Variants in EYA4 observed in about 807,000 individuals in gnomAD.
The protein encoded by EYA4 is protein phosphatase EYA4.
In EYA4, 31 loss-of-function variants were observed where a neutral mutation model predicts 87.9. The ratio of observed to expected loss-of-function variants is 0.35; its 90% CI spans 0.27 to 0.48. EYA4 has a LOEUF of 0.48. Ranked by LOEUF, EYA4 falls within the 20% of genes least tolerant of loss-of-function variation. The pLI is 0.99. For missense variants in EYA4, 678 were observed against 761.4 expected (o/e 0.89, Z 1.29); for synonymous variants, 263 against 270.6 (o/e 0.97, Z 0.28).
At chr6:133,500,785 A>G (rs1798051959) in intron 13 of EYA4, among the ~76,000 whole-genome samples, 1 of 151,978 alleles carries the variant, frequency 6.6e-6, no homozygotes, top group Non-Finnish European at 1.5e-5. Flanking sequence ...TCCCATCACC[A>G]TCGTATCTGC....
chr6:133,295,296 C>T (rs1206028933), intron 2 of EYA4, among the ~76,000 whole-genome samples: 1 of 152,190 alleles, frequency 6.6e-6, no homozygotes, highest in Non-Finnish European at 1.5e-5. Flanking sequence ...TGCTAGGACT[C>T]TAAGCTGACC....
In EYA4 at chr6:133,480,226, A is replaced by T. The variant is rs1796088207; in HGVS notation, c.971-1237A>T. The stretch of plus-strand genomic sequence containing the variant: ...ATCGGAGTGATTCTAGAACTAGGAG[A>T]GTGCAAGGTATCAGCTGTCAAATAA... On this transcript the variant is annotated intron_variant, in intron 11 of 19. Coordinates refer to ENST00000355286, the MANE Select transcript of EYA4 (RefSeq NM_004100.5). Among the ~76,000 whole-genome samples, 4 of 152,304 alleles carry T rather than the reference A, an allele frequency of 2.6e-5. No homozygotes were observed. In the South Asian group the frequency reaches 8.3e-4, roughly 32 times the overall value.
upstream of EYA4, chr6:133,241,206 C>G (rs1225468123): frequency 6.6e-6 from 1 of 152,058 alleles, no homozygotes; most frequent in East Asian, 1.9e-4. Context: ...CGCGCCGCCG[C>G]CCCCCGCGTC....
At chr6:133,410,213 C>G (rs1789090177) in intron 3 of EYA4, among the ~76,000 whole-genome samples, 1 of 151,986 alleles carries the variant, frequency 6.6e-6, no homozygotes, top group East Asian at 1.9e-4. Flanking sequence ...TGATAGTATA[C>G]TAAAACTTGT....
In EYA4 at chr6:133,406,810, T is replaced by A. The variant is rs948086101; in HGVS notation, c.83+24369T>A. Among the ~76,000 whole-genome samples the A allele has an allele frequency of 3.9e-5, 6 of 152,204 alleles. No homozygotes were observed. The East Asian group carries it at 1.2e-3, about 29-fold the overall frequency. On this transcript the variant is annotated intron_variant, in intron 3 of 19. Transcript: ENST00000355286. ...GTTTTCTATTAAAATGAAAATGAAA[T>A]GTATGAAATCTGTCTCTTATTATTT...
chr6:133,477,827 C>G (rs1337438340), intron 11 of EYA4, among the ~76,000 whole-genome samples: 2 of 149,576 alleles, frequency 1.3e-5, no homozygotes, highest in Non-Finnish European at 3.0e-5. Context: ...CACACACACA[C>G]ACACACGCAT....
chr6:133,280,252 A>G (rs542968224), intron 2 of EYA4, among the ~76,000 whole-genome samples: 1 of 152,286 alleles, frequency 6.6e-6, no homozygotes, highest in African/African-American at 2.4e-5. Flanking sequence ...ATTACTGTTA[A>G]CTCCAAATTG....
chr6:133,406,377 C>T (rs191768458), intron 3 of EYA4, among the ~76,000 whole-genome samples: 7 of 152,280 alleles, frequency 4.6e-5, no homozygotes, highest in African/African-American at 1.7e-4. Flanking sequence ...CATCAAACTG[C>T]ACCTTGAGAG....
chr6:133,488,866 G>A (rs1562479995), intron 13 of EYA4, among the ~76,000 whole-genome samples: 1 of 152,146 alleles, frequency 6.6e-6, no homozygotes, highest in Non-Finnish European at 1.5e-5. Context: ...ACACTGGTGG[G>A]CATCCACAAT....
Position 133,461,107 on chromosome 6 carries a change from C to A in EYA4, c.371-7C>A. On this transcript the variant is annotated splice_region_variant and splice_polypyrimidine_tract_variant and intron_variant, in intron 6 of 19. Coordinates refer to ENST00000355286, the MANE Select transcript of EYA4 (RefSeq NM_004100.5). ...CTTTGGTGCACTGGTATTTTTGTGT[C>A]TTACAGTAATTACAAGTAGTGGCTA... 6.2e-7 allele frequency: 1 copy of A among 1,605,592 alleles called. No individual in the cohort carries two copies. The highest frequency in any genetic ancestry group is 8.5e-7 in the Non-Finnish European group (1 of 1,172,386).
chr6:133,302,450 T>A (rs770267412), intron 2 of EYA4, among the ~76,000 whole-genome samples: 1 of 152,220 alleles, frequency 6.6e-6, no homozygotes, highest in African/African-American at 2.4e-5. Context: ...GGCAGTATAT[T>A]CATTAATAAT....
chr6:133,528,061 A>G (rs936754949), intron 19 of EYA4, among the ~76,000 whole-genome samples: 1 of 152,116 alleles, frequency 6.6e-6, no homozygotes, highest in African/African-American at 2.4e-5. Flanking sequence ...GCCCCACAAG[A>G]GCTCATTTGT....
chr6:133,312,645 G>A (rs1268048961), intron 2 of EYA4, among the ~76,000 whole-genome samples: 2 of 152,148 alleles, frequency 1.3e-5, no homozygotes, highest in Non-Finnish European at 2.9e-5. Context: ...TTGGTTTGCA[G>A]CCATTCAAGC....
chr6:133,351,485 G>T (rs1193648517), intron 2 of EYA4, among the ~76,000 whole-genome samples: 1 of 152,124 alleles, frequency 6.6e-6, no homozygotes, highest in Non-Finnish European at 1.5e-5. Flanking sequence ...ACCCTGCCCT[G>T]CAGACACCAG....
intron 13 of EYA4, among the ~76,000 whole-genome samples, chr6:133,489,552 G>A (rs950550797): frequency 1.3e-5 from 2 of 152,000 alleles, no homozygotes; most frequent in Admixed American, 1.3e-4. Context: ...GTACATGGCA[G>A]CAGACTTTTC....
chr6:133,376,889 A>G (rs541418885), intron 2 of EYA4, among the ~76,000 whole-genome samples: 1 of 152,110 alleles, frequency 6.6e-6, no homozygotes, highest in South Asian at 2.1e-4. Flanking sequence ...TTGAGGGGTG[A>G]ATAGTATTGT....
chr6:133,361,240 C>T (rs1207510695), intron 2 of EYA4, among the ~76,000 whole-genome samples: 4 of 152,196 alleles, frequency 2.6e-5, no homozygotes, highest in African/African-American at 9.7e-5. Context: ...ATAGCAAAAG[C>T]AGGCATGCTT....
chr6:133,389,173 A>G (rs1384843227), intron 3 of EYA4, among the ~76,000 whole-genome samples: 3 of 152,174 alleles, frequency 2.0e-5, no homozygotes, highest in Non-Finnish European at 4.4e-5. Flanking sequence ...TTTCACTAGT[A>G]TAGAGACTTA....
In EYA4 at chr6:133,483,073, T is replaced by C. The variant is rs752959200; in HGVS notation, c.1149T>C (p.Phe383=). 1.2e-6 allele frequency: 2 copies of C among 1,613,444 alleles called. No homozygotes were observed. Among genetic ancestry groups the C allele is most frequent in the South Asian group, 2.2e-5 (2 of 91,030 alleles). The part of the protein sequence containing the change: ...VWDLDETIIV[F]HSLLTGSYAQ... Reference sequence around the variant, plus strand: ...ATTTGGATGAAACCATCATTGTTTTTCACTCACTGCTCACCGGGTCTTATG... The same window carrying C: ...ATTTGGATGAAACCATCATTGTTTTCCACTCACTGCTCACCGGGTCTTATG... The change falls in exon 13 of 20, where the codon TTT becomes TTC. Residue 383 remains phenylalanine, a synonymous_variant. Transcript: ENST00000355286.
Sources: gnomAD v4.1 joint callset for allele counts (sites outside exome capture counted in the v4.1 genomes callset) on GRCh38, gnomAD v4.1.1 for gene constraint, MANE v1.5 for transcripts, NCBI Gene and HGNC (gene_info 2026-07-23, HGNC 2026-07-21) for gene names.